ZNF540: variants seen among roughly 807,000 people sequenced by gnomAD.
ZNF540 encodes the protein CTD-3064H18.6.
Under a neutral mutation model 11.8 loss-of-function variants are expected in ZNF540, and 3 were observed. The observed-to-expected ratio is 0.25, with a 90% CI of 0.12 to 0.65. ZNF540 has a LOEUF of 0.65. Ranked by LOEUF, ZNF540 falls within the 30% of genes least tolerant of loss-of-function variation. The pLI is 0.83. For synonymous variants in ZNF540, 247 were observed against 259.0 expected (o/e 0.95, Z 0.45); for missense variants, 709 against 793.1 (o/e 0.89, Z 1.27).
At chr19:37,575,154 G>C (rs1472626988) in intron 1 of ZNF540, among the ~76,000 whole-genome samples, 1 of 152,162 alleles carries the variant, frequency 6.6e-6, no homozygotes. Flanking sequence ...TCTGCTACTT[G>C]AGAAAAATTA....
rs2043683472 is a variant in ZNF540 at position 37,586,636 on chromosome 19, G to GT, written c.-72-11739dup. The GT allele has an allele frequency of 1.9e-6, 3 of 1,613,072 alleles. No homozygotes were observed. In the African/African-American group the frequency reaches 4.0e-5, roughly 22 times the overall value. ...GTTCACATTACACAACAAAATGATT[G>GT]TACTTCAAGAAGGAAAGAAACAGCA... On this transcript the variant is annotated intron_variant, in intron 1 of 4. Transcript: ENST00000592533.
chr19:37,592,010 C>A (rs1412696469), upstream of ZNF540, among the ~76,000 whole-genome samples: 1 of 152,032 alleles, frequency 6.6e-6, no homozygotes, highest in Non-Finnish European at 1.5e-5. Flanking sequence ...GTAATCCCAG[C>A]ACTTTGGGAA....
chr19:37,601,963 A>G (rs2044042849), intron 4 of ZNF540, among the ~76,000 whole-genome samples: 1 of 152,226 alleles, frequency 6.6e-6, no homozygotes, highest in South Asian at 2.1e-4. Context: ...AATCAAAAAT[A>G]TGTTTTTAAA....
In ZNF540 at chr19:37,614,005, A is replaced by G. The variant is rs942605362; in HGVS notation, c.*742A>G. 36 of 396,508 alleles carry G rather than the reference A, an allele frequency of 9.1e-5. No homozygotes were observed. Among genetic ancestry groups the G allele is most frequent in the Non-Finnish European group, 1.6e-4 (35 of 225,200 alleles). 24.6% of individuals were successfully genotyped at this position (396,508 alleles called of 1,614,324 possible). ...AAGTCAGCAGTCTACAGTGCAAAAG[A>G]GGGCCTTCACCAGAACCCAAGCATG... is the stretch of plus-strand genomic sequence containing the variant. On this transcript the variant is annotated 3_prime_UTR_variant, in exon 5 of 5. Transcript: ENST00000316433.
At chr19:37,590,742 T>G (rs993367319), upstream of ZNF540, among the ~76,000 whole-genome samples, 2 of 152,126 alleles carry the variant, frequency 1.3e-5, no homozygotes, top group African/African-American at 4.8e-5. Flanking sequence ...TCTCTGTAAG[T>G]GTAATATTAT....
At chr19:37,555,829 A>G (rs746112555) in intron 1 of ZNF540, 1 of 689,148 alleles carries the variant, frequency 1.5e-6, no homozygotes, top group South Asian at 1.5e-5. Context: ...GGTCATGGAC[A>G]GTTATAGTAA....
At position 37,599,661 on chromosome 19, in the gene ZNF540, C is replaced by CTTCT; in HGVS notation, c.46_47insTCTT (p.Ser16PhefsTer26). On this transcript the variant is annotated frameshift_variant, in exon 3 of 5. Coordinates refer to ENST00000316433, the MANE Select transcript of ZNF540 (RefSeq NM_001172225.3). LOFTEE classifies it high-confidence loss of function. ...CGTTCAGGGATGTGGCTATAGACTT[C>CTTCT]TCTCAGAAGGAATGGGAGTGCCTGG... 6.2e-7 allele frequency: 1 copy of CTTCT among 1,614,048 alleles called. No individual in the cohort carries two copies. Among genetic ancestry groups the CTTCT allele is most frequent in the Non-Finnish European group, 8.5e-7 (1 of 1,179,964 alleles).
chr19:37,613,986 G>A lies in ZNF540; in HGVS notation c.*723G>A, dbSNP rs2044152468. On this transcript the variant is annotated 3_prime_UTR_variant, in exon 5 of 5. Transcript: ENST00000316433. ...CACATGAGGTTACAGCAAGAAGTCA[G>A]CAGTCTACAGTGCAAAAGAGGGCCT... 1 of 396,914 alleles carries A rather than the reference G, an allele frequency of 2.5e-6. No homozygotes were observed. The allele number at this position is 396,914 out of a possible 1,614,324, so 24.6% of individuals were successfully genotyped here.
In ZNF540 at chr19:37,612,099, T is replaced by A; in HGVS notation, c.819T>A (p.Cys273Ter). The A allele has an allele frequency of 1.9e-6, 3 of 1,611,770 alleles. No homozygotes were observed. The highest frequency in any genetic ancestry group is 2.5e-6 in the Non-Finnish European group (3 of 1,179,654). ...KIHTGKKPYM[C>*]KKCDKGFFSR... is the part of the protein sequence containing the mutation. ...ACACTGGTAAAAAACCCTATATGTG[T>A]AAGAAATGTGATAAGGGTTTTTTTA... Residue 273 changes from cysteine to a stop codon, truncating the protein, a stop_gained, in exon 5 of 5, where the codon TGT becomes TGA. Coordinates refer to ENST00000316433, the MANE Select transcript of ZNF540 (RefSeq NM_001172225.3). LOFTEE classifies it low-confidence loss of function (END_TRUNC).
chr19:37,602,039 GT>G (rs2044043320), intron 4 of ZNF540, among the ~76,000 whole-genome samples: 1 of 152,210 alleles, frequency 6.6e-6, no homozygotes, highest in South Asian at 2.1e-4. Context: ...AGGAAGATCA[GT>G]TATCAGGCTA....
rs1300989965 is a variant in ZNF540 at position 37,599,767 on chromosome 19, G to T, written c.136+15G>T. On this transcript the variant is annotated intron_variant, in intron 3 of 4. Coordinates refer to ENST00000316433, the MANE Select transcript of ZNF540 (RefSeq NM_001172225.3). ...GGTCTCACTGGGTAAGGTCACCTAT[G>T]TCAAATAATGTAGACTCTGTTATCT... The T allele has an allele frequency of 7.0e-6, 11 of 1,578,466 alleles. No homozygotes were observed. Among genetic ancestry groups the T allele is most frequent in the Non-Finnish European group, 9.5e-6 (11 of 1,161,254 alleles).
chr19:37,578,713 A>G (rs1395699887), intron 1 of ZNF540, among the ~76,000 whole-genome samples: 1 of 151,468 alleles, frequency 6.6e-6, no homozygotes, highest in Admixed American at 6.6e-5. Flanking sequence ...GCACAGCTCC[A>G]CATTCCCCCA....
rs1320593591 is a variant in ZNF540, at chr19:37,613,992, T to A, written c.*729T>A. ...AGGTTACAGCAAGAAGTCAGCAGTC[T>A]ACAGTGCAAAAGAGGGCCTTCACCA... is the stretch of plus-strand genomic sequence containing the variant. On this transcript the variant is annotated 3_prime_UTR_variant, in exon 5 of 5. Coordinates refer to ENST00000316433, the MANE Select transcript of ZNF540 (RefSeq NM_001172225.3). The A allele has an allele frequency of 2.5e-6, 1 of 396,694 alleles. No homozygotes were observed. Among genetic ancestry groups the A allele is most frequent in the Non-Finnish European group, 4.4e-6 (1 of 225,220 alleles). The allele number at this position is 396,694 out of a possible 1,614,324, so 24.6% of individuals were successfully genotyped here.
At chr19:37,589,788 C>G (rs1163867194) in intron 1 of ZNF540, among the ~76,000 whole-genome samples, 2 of 132,602 alleles carry the variant, frequency 1.5e-5, no homozygotes, top group African/African-American at 5.8e-5. Flanking sequence ...TTGCTTGAAC[C>G]CGGGAGTTGG....
Position 37,598,391 on chromosome 19 carries a change from G to C in ZNF540, c.-57G>C. ...TCTAACTCAGGCTTCTCAGAACTTTGCTTCTCCAGCAGAATAATCCTGCGG... is the reference window on the plus strand; with the variant it reads ...TCTAACTCAGGCTTCTCAGAACTTTCCTTCTCCAGCAGAATAATCCTGCGG... On this transcript the variant is annotated 5_prime_UTR_variant, in exon 2 of 5. Transcript: ENST00000316433. The C allele has an allele frequency of 1.2e-6, 2 of 1,606,160 alleles. No individual in the cohort carries two copies. Among genetic ancestry groups the C allele is most frequent in the Non-Finnish European group, 1.7e-6 (2 of 1,175,500 alleles).
At chr19:37,606,088 A>C (rs766407677) in intron 4 of ZNF540, among the ~76,000 whole-genome samples, 2 of 152,274 alleles carry the variant, frequency 1.3e-5, no homozygotes, top group Admixed American at 1.3e-4. Context: ...CCCTTCTTCA[A>C]TCTACAGCTT....
At chr19:37,591,095 C>T (rs1157989309), upstream of ZNF540, among the ~76,000 whole-genome samples, 5 of 152,150 alleles carry the variant, frequency 3.3e-5, no homozygotes, top group African/African-American at 1.2e-4. Flanking sequence ...ACTTTAAAAA[C>T]AAGTTATTAG....
At chr19:37,590,153 T>A (rs1018293952), upstream of ZNF540, among the ~76,000 whole-genome samples, 1 of 151,874 alleles carries the variant, frequency 6.6e-6, no homozygotes, top group Non-Finnish European at 1.5e-5. Context: ...ATGCCTGTAA[T>A]CCCAGCACTT....
chr19:37,600,036 C>T (rs2044026837), intron 3 of ZNF540, among the ~76,000 whole-genome samples: 1 of 152,134 alleles, frequency 6.6e-6, no homozygotes. Flanking sequence ...TACTCCAAAG[C>T]CAATGTCAAT....
Sources: gnomAD v4.1 joint callset for allele counts (sites outside exome capture counted in the v4.1 genomes callset) on GRCh38, gnomAD v4.1.1 for gene constraint, MANE v1.5 for transcripts, NCBI Gene and HGNC (gene_info 2026-07-23, HGNC 2026-07-21) for gene names.